The following UCP1 variants were observed in gnomAD, a reference collection of about 807,000 sequenced individuals.
UCP1 encodes mitochondrial brown fat uncoupling protein 1.
Under a neutral mutation model 26.2 loss-of-function variants are expected in UCP1, and 24 were observed. The ratio of observed to expected loss-of-function variants is 0.92; its 90% confidence interval spans 0.66 to 1.29. The LOEUF is 1.29. Ranked by LOEUF, UCP1 falls within the 50% of genes most tolerant of loss-of-function variation. The probability of loss-of-function intolerance (pLI) is 0.00; values close to 1 mark genes in which losing one functional copy is unlikely to be tolerated. For missense variants in UCP1, 402 were observed against 388.7 expected (o/e 1.03, Z -0.29); for synonymous variants, 164 against 156.8 (o/e 1.05, Z -0.34).
chr4:140,566,492 C>T (rs1212780063), intron 2 of UCP1, among the ~76,000 whole-genome samples: 1 of 152,188 alleles, frequency 6.6e-6, no homozygotes, highest in Non-Finnish European at 1.5e-5. Context: ...CTTTGTGTTT[C>T]CTCTCTTGCT....
At chr4:140,563,579 T>A in intron 2 of UCP1, 61 bp from the exon 3 acceptor site, 3 of 1,432,980 alleles carry the variant, frequency 2.1e-6, no homozygotes, top group South Asian at 2.5e-5. Flanking sequence ...TGCATGCATG[T>A]CTTTTTAATT....
intron 2 of UCP1, among the ~76,000 whole-genome samples, chr4:140,565,427 C>G (rs755259621): frequency 1.3e-5 from 2 of 152,176 alleles, no homozygotes; most frequent in Non-Finnish European, 2.9e-5. Flanking sequence ...CTTTCTTACT[C>G]CTTTTACATA....
intron 4 of UCP1, 95 bp from the exon 5 acceptor site, chr4:140,562,468 G>A: frequency 1.6e-6 from 2 of 1,235,308 alleles, no homozygotes; most frequent in Non-Finnish European, 1.2e-6. Context: ...GATAACAGTA[G>A]GTCAATGAAG....
intron 1 of UCP1, 39 bp from the exon 2 acceptor site, chr4:140,568,016 T>G: frequency 6.2e-7 from 1 of 1,609,286 alleles, no homozygotes; most frequent in South Asian, 1.1e-5. Context: ...GGGAGCGAAA[T>G]TGAGTTCACT....
Position 140,562,231 on chromosome 4 carries a change from T to C in UCP1, c.771A>G (p.Lys257=), listed in dbSNP as rs1431343082. Residue 257 remains lysine, a synonymous_variant, in exon 5 of 6, where the codon AAA becomes AAG. Transcript: ENST00000262999. The part of the protein sequence containing the change: ...QYKSVPNCAM[K]VFTNEGPTAF... ...CCGTTGGTCCTTCGTTAGTGAACAC[T>C]TTCATTGCACAGTTGGGCACACTTT... The C allele has an allele frequency of 1.2e-6, 2 of 1,614,092 alleles. No homozygotes were observed. The highest frequency in any genetic ancestry group is 8.5e-7 in the Non-Finnish European group (1 of 1,180,024).
In UCP1 at chr4:140,559,957, C is replaced by T. The variant is rs372451180; in HGVS notation, c.863G>A (p.Cys288Tyr). Residue 288 changes from cysteine (C) to tyrosine (Y), a missense_variant, in exon 6 of 6, where the codon TGC (cysteine) becomes TAC (tyrosine). By Grantham distance (194) the Cys-to-Tyr change is radical (BLOSUM62 -2). Transcript: ENST00000262999. ...CAGTTCTCGTTTCAGTTGTTCAAAG[C>T]ACACAAACATAATGACGTTCCAGGA... ...LGSWNVIMFV[C>Y]FEQLKRELSK... 37 of 1,614,092 alleles carry T rather than the reference C, an allele frequency of 2.3e-5. No homozygotes were observed. The highest frequency in any genetic ancestry group is 2.7e-5 in the Non-Finnish European group (32 of 1,179,992).
chr4:140,564,865 G>C (rs1315627004), intron 2 of UCP1, among the ~76,000 whole-genome samples: 1 of 150,910 alleles, frequency 6.6e-6, no homozygotes, highest in Non-Finnish European at 1.5e-5. Context: ...TTTTTTTTAA[G>C]AACTAAAAGA....
At chr4:140,567,742 G>C in intron 2 of UCP1, 37 bp downstream of exon 2, 1 of 1,612,360 alleles carries the variant, frequency 6.2e-7, no homozygotes, top group Non-Finnish European at 8.5e-7. Context: ...CGGAGCCCAA[G>C]GCTTTTCTGC....
chr4:140,561,883 C>G (rs1262249954), intron 5 of UCP1, among the ~76,000 whole-genome samples: 1 of 152,148 alleles, frequency 6.6e-6, no homozygotes, highest in Non-Finnish European at 1.5e-5. Flanking sequence ...TGATTTCCCT[C>G]TACTTTATAA....
At position 140,559,826 on chromosome 4, in the gene UCP1, G is replaced by C; in HGVS notation, c.*70C>G. 7.4e-7 allele frequency: 1 copy of C among 1,352,300 alleles called. No homozygotes were observed. Among genetic ancestry groups the C allele is most frequent in the Non-Finnish European group, 1.1e-6 (1 of 948,748 alleles). The allele number at this position is 1,352,300 out of a possible 1,614,324, so 83.8% of individuals were successfully genotyped here. A position where few individuals can be genotyped will look rare whatever the true frequency, so the allele number is the denominator to read the frequency against. ...TTTTTAGGTTAAAATAAGTGAATAA[G>C]TTTTGTTTGTTTTTATGATCCAGTC... On this transcript the variant is annotated 3_prime_UTR_variant, in exon 6 of 6. Transcript: ENST00000262999.
chr4:140,562,960 T>A, intron 4 of UCP1, 150 bp downstream of exon 4: 1 of 702,950 alleles, frequency 1.4e-6, no homozygotes, highest in African/African-American at 1.8e-5. Flanking sequence ...TTTTCCTGCT[T>A]CTCACAAAGT....
At position 140,562,338 on chromosome 4, in the gene UCP1, C is replaced by T. The variant is rs765244655; in HGVS notation, c.664G>A (p.Ala222Thr). 2.5e-6 allele frequency: 4 copies of T among 1,613,986 alleles called. No individual in the cohort carries two copies. The highest frequency in any genetic ancestry group is 2.5e-6 in the Non-Finnish European group (3 of 1,179,990). The part of the protein sequence containing the change: ...VPCHLVSALI[A>T]GFCATAMSSP... ...GACATAGCTGTTGCGCAAAATCCAG[C>T]GATAAGAGCCGACACCAAGTGGCAG... The change falls in exon 5 of 6, where the codon GCT becomes ACT. Residue 222 changes from alanine to threonine, a missense_variant. Transcript: ENST00000262999.
At chr4:140,560,038 T>A in intron 5 of UCP1, 28 bp from the exon 6 acceptor site, 1 of 1,583,788 alleles carries the variant, frequency 6.3e-7, no homozygotes, top group Non-Finnish European at 8.7e-7. Flanking sequence ...ATCGTTCGAT[T>A]AATTTGTTTG....
chr4:140,563,316 AC>A lies in UCP1; in HGVS notation c.526+1del, dbSNP rs1378806545. ...TATAAAACCCATTTTGAAGTTAGTTACCTTTCCAAAGACCCGTCAAGCCTTC... is the reference window on the plus strand; with the variant it reads ...TATAAAACCCATTTTGAAGTTAGTTACTTTCCAAAGACCCGTCAAGCCTTC... On this transcript the variant is annotated splice_donor_variant, in intron 3 of 5. Transcript: ENST00000262999. LOFTEE classifies it high-confidence loss of function. 6.2e-7 allele frequency: 1 copy of A among 1,614,042 alleles called. No homozygotes were observed. The highest frequency in any genetic ancestry group is 8.5e-7 in the Non-Finnish European group (1 of 1,179,996).
In UCP1 at chr4:140,563,120, G is replaced by A. The variant is rs1342292400; in HGVS notation, c.618C>T (p.Asn206=). Residue 206 remains asparagine (N), a synonymous_variant, in exon 4 of 6, where the codon AAC becomes AAT. Coordinates refer to ENST00000262999, the MANE Select transcript of UCP1 (RefSeq NM_021833.5). The part of the protein sequence containing the change: ...DLMKEAFVKN[N]ILADDVPCHL... ...GAAATGGGAAGTTACCTGCTAATAT[G>A]TTGTTTTTCACAAAGGCCTCCTTCA... The A allele has an allele frequency of 7.4e-6, 12 of 1,613,030 alleles. No individual in the cohort carries two copies. Among genetic ancestry groups the A allele is most frequent in the Non-Finnish European group, 8.5e-6 (10 of 1,179,408 alleles).
rs950959633 is a variant in UCP1, at chr4:140,568,881, G to T, written c.-152C>A. ...CGCCGGGCAGCGGCGGTGCAGAGGC[G>T]GCGGCTGCAGACGGAGCGCGGTGTT... is the stretch of plus-strand genomic sequence containing the variant. On this transcript the variant is annotated 5_prime_UTR_variant, in exon 1 of 6. Coordinates refer to ENST00000262999, the MANE Select transcript of UCP1 (RefSeq NM_021833.5). The T allele has an allele frequency of 2.6e-5, 32 of 1,232,262 alleles. No homozygotes were observed. Among genetic ancestry groups the T allele is most frequent in the Non-Finnish European group, 3.5e-5 (31 of 893,208 alleles). 76.3% of individuals were successfully genotyped at this position (1,232,262 alleles called of 1,614,324 possible). A position where few individuals can be genotyped will look rare whatever the true frequency, so the allele number is the denominator to read the frequency against.
At chr4:140,565,624 C>T (rs758545746) in intron 2 of UCP1, among the ~76,000 whole-genome samples, 3 of 152,162 alleles carry the variant, frequency 2.0e-5, no homozygotes, top group Non-Finnish European at 4.4e-5. Flanking sequence ...TCCTTCCTCA[C>T]CAACATGTCC....
Position 140,560,030 on chromosome 4 carries a change from C to A in UCP1, c.810-20G>T. 6.4e-7 allele frequency: 1 copy of A among 1,572,440 alleles called. No homozygotes were observed. The highest frequency in any genetic ancestry group is 1.1e-5 in the South Asian group (1 of 89,946). ...ACCAACCTAGAAAAGTGCATGTCAT[C>A]GTTCGATTAATTTGTTTGATTTTTT... On this transcript the variant is annotated intron_variant, in intron 5 of 5. Transcript: ENST00000262999.
intron 2 of UCP1, among the ~76,000 whole-genome samples, chr4:140,564,681 T>TG (rs1735758619): frequency 6.6e-6 from 1 of 152,190 alleles, no homozygotes; most frequent in South Asian, 2.1e-4. Flanking sequence ...GGCATATGAC[T>TG]GACAGCTGTC....
Sources: gnomAD v4.1 joint callset for allele counts (sites outside exome capture counted in the v4.1 genomes callset) on GRCh38, gnomAD v4.1.1 for gene constraint, MANE v1.5 for transcripts, NCBI Gene and HGNC (gene_info 2026-07-23, HGNC 2026-07-21) for gene names.